The following PDIA2 variants were observed in gnomAD, a reference collection of about 807,000 sequenced individuals.
The protein encoded by PDIA2 is protein disulfide isomerase family A member 2, also known as protein disulfide-isomerase A2.
Under a neutral mutation model 51.1 loss-of-function variants are expected in PDIA2, and 76 were observed. The observed-to-expected ratio is 1.49, with a 90% confidence interval of 1.24 to 1.80. The LOEUF (loss-of-function observed/expected upper bound fraction) is 1.80, where lower values mean the gene tolerates loss of function less well. Ranked by LOEUF, PDIA2 falls within the 40% of genes most tolerant of loss-of-function variation. The pLI is 0.00. For missense variants in PDIA2, 946 were observed against 706.5 expected (o/e 1.34, Z -3.84); for synonymous variants, 429 against 309.9 (o/e 1.38, Z -4.04).
Position 284,688 on chromosome 16 carries a change from T to A in PDIA2, c.436T>A (p.Trp146Arg), listed in dbSNP as rs1255958422. 1 of 1,587,450 alleles carries A rather than the reference T, an allele frequency of 6.3e-7. No individual in the cohort carries two copies. The highest frequency in any genetic ancestry group is 8.5e-7 in the Non-Finnish European group (1 of 1,171,748). ...ACGGGACGCTGAGGGCATTGCCGAG[T>A]GGCTGCGACGGCGGGTGGGGCCCAG... ...GPRDAEGIAEWLRRRVGPSAM... is the reference protein window; with the variant it reads ...GPRDAEGIAERLRRRVGPSAM... The change falls in exon 3 of 11, where the codon TGG becomes AGG. Residue 146 changes from tryptophan (W) to arginine (R), a missense_variant. By Grantham distance (101) the Trp-to-Arg change is moderately radical. Coordinates refer to ENST00000219406, the MANE Select transcript of PDIA2 (RefSeq NM_006849.4).
chr16:287,036 A>G, intron 10 of PDIA2, 33 bp from the exon 11 acceptor site: 1 of 1,612,686 alleles, frequency 6.2e-7, no homozygotes, highest in Non-Finnish European at 8.5e-7. Context: ...GGCTGGGAGC[A>G]GAGCTTCGAG....
In PDIA2 at chr16:284,932, G is replaced by C. The variant is rs1437576279; in HGVS notation, c.595G>C (p.Asp199His). ...TFLALAQDAL[D>H]MTFGLTDRPR... Reference sequence around the variant, plus strand: ...CTTGGCCTTGGCCCAGGACGCCCTGGACATGACCTTTGGCCTCACAGACCG... The same window carrying C: ...CTTGGCCTTGGCCCAGGACGCCCTGCACATGACCTTTGGCCTCACAGACCG... The change falls in exon 4 of 11, where the codon GAC becomes CAC. Residue 199 changes from aspartate to histidine, a missense_variant. Coordinates refer to ENST00000219406, the MANE Select transcript of PDIA2 (RefSeq NM_006849.4). The C allele has an allele frequency of 2.5e-6, 4 of 1,613,156 alleles. No homozygotes were observed. The highest frequency in any genetic ancestry group is 3.4e-6 in the Non-Finnish European group (4 of 1,179,988).
intron 1 of PDIA2, 23 bp downstream of exon 1, chr16:283,391 C>T (rs987937060): frequency 3.2e-6 from 5 of 1,550,550 alleles, no homozygotes; most frequent in Non-Finnish European, 4.4e-6. Context: ...GCCAGTGGGG[C>T]TGGGGACCGG....
rs1454432383 is a variant in PDIA2 at position 284,500 on chromosome 16, C to G, written c.313C>G (p.Gln105Glu). 3 of 1,610,956 alleles carry G rather than the reference C, an allele frequency of 1.9e-6. No individual in the cohort carries two copies. Among genetic ancestry groups the G allele is most frequent in the Non-Finnish European group, 1.7e-6 (2 of 1,179,234 alleles). ...VTLAKVDGPA[Q>E]RELAEEFGVT... The stretch of plus-strand genomic sequence containing the variant: ...GCTGGCCAAGGTGGATGGGCCCGCG[C>G]AGCGCGAGCTGGCTGAGGAGTTTGG... Residue 105 changes from glutamine (Q) to glutamate (E), a missense_variant, in exon 2 of 11, where the codon CAG (glutamine) becomes GAG (glutamate). Coordinates refer to ENST00000219406, the MANE Select transcript of PDIA2 (RefSeq NM_006849.4).
intron 10 of PDIA2, 34 bp downstream of exon 10, chr16:286,979 G>A (rs1199824533): frequency 5.0e-6 from 8 of 1,610,294 alleles, no homozygotes; most frequent in South Asian, 1.1e-5. Flanking sequence ...CCAGGCCTCT[G>A]CACAAATCCT....
rs375729524 is a variant in PDIA2, at chr16:284,872, C to T, written c.541-6C>T. ...CCGGGTGGCCTCACAGGGCCAGGCC[C>T]CTCAGGACCTGCAGGACGAGGACGT... On this transcript the variant is annotated splice_polypyrimidine_tract_variant and splice_region_variant and intron_variant, in intron 3 of 10. Coordinates refer to ENST00000219406, the MANE Select transcript of PDIA2 (RefSeq NM_006849.4). 2.0e-5 allele frequency: 33 copies of T among 1,612,042 alleles called. No individual in the cohort carries two copies. Among genetic ancestry groups the T allele is most frequent in the Non-Finnish European group, 2.7e-5 (32 of 1,179,576 alleles).
At position 285,776 on chromosome 16, in the gene PDIA2, A is replaced by G. The variant is rs958071638; in HGVS notation, c.1119+73A>G. 2.7e-6 allele frequency: 4 copies of G among 1,495,276 alleles called. No individual in the cohort carries two copies. The African/African-American group carries it at 5.6e-5, about 21-fold the overall frequency. 92.6% of individuals were successfully genotyped at this position (1,495,276 alleles called of 1,614,324 possible). A position where few individuals can be genotyped will look rare whatever the true frequency, so the allele number is the denominator to read the frequency against. On this transcript the variant is annotated intron_variant, in intron 7 of 10. Coordinates refer to ENST00000219406, the MANE Select transcript of PDIA2 (RefSeq NM_006849.4). ...CACCAGCTTGGCAGGGGGTGGGAAC[A>G]GCAGCTCTCAGAGCCCCCTGCCCCT...
chr16:284,456 C>G lies in PDIA2; in HGVS notation c.269C>G (p.Ala90Gly). 6.2e-7 allele frequency: 1 copy of G among 1,601,146 alleles called. No homozygotes were observed. The highest frequency in any genetic ancestry group is 1.1e-5 in the South Asian group (1 of 88,872). The change falls in exon 2 of 11, where the codon GCC becomes GGC. Residue 90 changes from alanine (A) to glycine (G), a missense_variant. Ala to Gly is a moderately conservative substitution (Grantham distance 60). Coordinates refer to ENST00000219406, the MANE Select transcript of PDIA2 (RefSeq NM_006849.4). The stretch of plus-strand genomic sequence containing the variant: ...AGCAAGGCAGCTGCCGTGCTCGCGG[C>G]CGAGTCAATGGTGGTCACGCTGGCC... Reference protein sequence around the residue: ...EYSKAAAVLAAESMVVTLAKV... With the variant: ...EYSKAAAVLAGESMVVTLAKV...
chr16:286,628 G>A lies in PDIA2; in HGVS notation c.1315G>A (p.Glu439Lys), dbSNP rs772314078. 76 of 1,612,512 alleles carry A rather than the reference G, an allele frequency of 4.7e-5. No homozygotes were observed. In the Admixed American group the frequency reaches 7.2e-4, roughly 15 times the overall value. The change falls in exon 9 of 11, where the codon GAG becomes AAG. Residue 439 changes from glutamate to lysine, a missense_variant. By Grantham distance (56) the Glu-to-Lys change is moderately conservative (BLOSUM62 1). Coordinates refer to ENST00000219406, the MANE Select transcript of PDIA2 (RefSeq NM_006849.4). ...ATTGGCTGAGAAGTACCAAGACCAC[G>A]AGGACATCATCATTGCTGAGCTGGA... ...EALAEKYQDH[E>K]DIIIAELDAT...
Position 286,865 on chromosome 16 carries a change from G to T in PDIA2, c.1453G>T (p.Glu485Ter). The change falls in exon 10 of 11, where the codon GAG becomes TAG. Residue 485 changes from glutamate (E) to a stop codon, truncating the protein, a stop_gained. Coordinates refer to ENST00000219406, the MANE Select transcript of PDIA2 (RefSeq NM_006849.4). LOFTEE classifies it high-confidence loss of function. Reference sequence around the variant, plus strand: ...TGAATACAAAAGCACCAGGGACCTGGAGACTTTCTCCAAGTTCCTGGACAA... The same window carrying T: ...TGAATACAAAAGCACCAGGGACCTGTAGACTTTCTCCAAGTTCCTGGACAA... ...VIEYKSTRDL[E>*]TFSKFLDNGG... is the part of the protein sequence containing the mutation. The T allele has an allele frequency of 6.2e-7, 1 of 1,608,506 alleles. No individual in the cohort carries two copies. The highest frequency in any genetic ancestry group is 2.2e-5 in the East Asian group (1 of 44,812).
intron 1 of PDIA2, among the ~76,000 whole-genome samples, chr16:283,898 T>C (rs2052318479): frequency 1.3e-5 from 2 of 152,126 alleles, no homozygotes; most frequent in African/African-American, 4.8e-5. Flanking sequence ...GAGTTTTGCT[T>C]TTGTCGCCCA....
chr16:287,102 G>T lies in PDIA2; in HGVS notation c.1567G>T (p.Glu523Ter), dbSNP rs770475643. The T allele has an allele frequency of 6.2e-7, 1 of 1,612,808 alleles. No individual in the cohort carries two copies. Among genetic ancestry groups the T allele is most frequent in the Non-Finnish European group, 8.5e-7 (1 of 1,179,972 alleles). Residue 523 changes from glutamate to a stop codon, truncating the protein, a stop_gained, in exon 11 of 11, where the codon GAG (glutamate) becomes TAG (stop). Coordinates refer to ENST00000219406, the MANE Select transcript of PDIA2 (RefSeq NM_006849.4). LOFTEE classifies it high-confidence loss of function. ...GGCCAACTCCACTATGGGGTCCAAG[G>T]AGGAACTGTAGCTGCCCCCGTGTCA... ...PPANSTMGSK[E>*]EL is the part of the protein sequence containing the mutation.
rs754665510 is a variant in PDIA2, at chr16:285,440, ACTGGGGGG to A, written c.921+11_921+18del. 4 of 1,588,880 alleles carry A rather than the reference ACTGGGGGG, an allele frequency of 2.5e-6. No individual in the cohort carries two copies. The highest frequency in any genetic ancestry group is 1.7e-6 in the Non-Finnish European group (2 of 1,162,676). ...CAGCTCCCCGCTTCCGGGGGCAGGT[ACTGGGGGG>A]CTGGGGGAAAGGGGCAGCGGGAGAG... On this transcript the variant is annotated splice_donor_5th_base_variant and intron_variant, in intron 6 of 10. Coordinates refer to ENST00000219406, the MANE Select transcript of PDIA2 (RefSeq NM_006849.4).
At chr16:283,412 G>T in intron 1 of PDIA2, 44 bp downstream of exon 1, 2 of 1,519,840 alleles carry the variant, frequency 1.3e-6, no homozygotes, top group South Asian at 2.6e-5. Context: ...CGGGGGACCG[G>T]CAGAGCCCAC....
At chr16:286,771 T>A (rs1596950443) in intron 9 of PDIA2, 36 bp downstream of exon 9, 2 of 1,612,124 alleles carry the variant, frequency 1.2e-6, no homozygotes, top group Non-Finnish European at 8.5e-7. Flanking sequence ...GAAGCCGGGG[T>A]GCCATCTTGC....
intron 5 of PDIA2, 56 bp downstream of exon 5, chr16:285,256 A>AT: frequency 6.2e-7 from 1 of 1,612,092 alleles, no homozygotes; most frequent in Admixed American, 1.7e-5. Flanking sequence ...TCGTCCAGGG[A>AT]TGGGGGTGCC....
intron 7 of PDIA2, 54 bp downstream of exon 7, chr16:285,757 C>T (rs1489142448): frequency 1.3e-6 from 2 of 1,567,270 alleles, no homozygotes; most frequent in Non-Finnish European, 1.7e-6. Context: ...ATCCCACCAG[C>T]TTGGCAGGGG....
At chr16:284,634 C>A in intron 2 of PDIA2, 25 bp from the exon 3 acceptor site, 1 of 1,603,028 alleles carries the variant, frequency 6.2e-7, no homozygotes, top group South Asian at 1.1e-5. Context: ...GTGGCCAGGC[C>A]GAGGCTGAGG....
Position 285,639 on chromosome 16 carries a change from G to T in PDIA2, c.1055G>T (p.Gly352Val), listed in dbSNP as rs45503792. 15,383 of 1,613,298 alleles carry T rather than the reference G, an allele frequency of 9.5e-3. 106 individuals carry two copies. Among genetic ancestry groups the T allele is most frequent in the Middle Eastern group, 0.022 (136 of 6,062 alleles). ...ACTAAGAAGTATGCGCCTGTGGATG[G>T]GGGCCCTGTCACCGCAGCGTCCATC... The part of the protein sequence containing the change: ...ETTKKYAPVD[G>V]GPVTAASITA... Residue 352 changes from glycine (G) to valine (V), a missense_variant, in exon 7 of 11, where the codon GGG (glycine) becomes GTG (valine). Gly to Val is a moderately radical substitution (Grantham distance 109). Transcript: ENST00000219406.
Sources: allele counts gnomAD v4.1 joint callset (sites outside exome capture counted in the v4.1 genomes callset), GRCh38; gene constraint gnomAD v4.1.1; transcripts MANE v1.5; gene names NCBI Gene and HGNC (gene_info 2026-07-23, HGNC 2026-07-21).